Variants in LRGUK observed in about 807,000 individuals in gnomAD.
LRGUK encodes the protein leucine-rich repeat and guanylate kinase domain-containing protein.
Under a neutral mutation model 76.0 loss-of-function variants are expected in LRGUK, and 65 were observed. That is an observed-to-expected ratio of 0.85 (90% CI 0.70 to 1.05). LRGUK has a LOEUF of 1.05. Ranked by LOEUF, LRGUK falls within the 50% of genes least tolerant of loss-of-function variation. The pLI, the probability that LRGUK is intolerant of heterozygous loss-of-function variation, is 0.00. For synonymous variants in LRGUK, 268 were observed against 265.6 expected, an observed-to-expected ratio of 1.01 and a Z score of -0.09; for missense variants, 758 against 732.8, an observed-to-expected ratio of 1.03 and a Z score of -0.40.
the LRGUK span, among the ~76,000 whole-genome samples, chr7:134,275,118 T>C: frequency 3.3e-5 from 5 of 152,172 alleles, no homozygotes; most frequent in African/African-American, 1.2e-4. Flanking sequence ...TATCATGGTA[T>C]TTAATTTTTT....
At chr7:134,137,052 G>C (rs1225722427) in exon 2 of LRGUK, 3 of 1,613,510 alleles carry the variant, frequency 1.9e-6, no homozygotes, top group African/African-American at 2.7e-5. Flanking sequence ...TGAGAGAGGA[G>C]GCTGTGGCCA....
intron 16 of LRGUK, among the ~76,000 whole-genome samples, chr7:134,246,589 T>C (rs1215987866): frequency 2.6e-5 from 4 of 152,362 alleles, no homozygotes; most frequent in South Asian, 2.1e-4. Flanking sequence ...CCTTGCATGC[T>C]TGTTTGTTAT....
chr7:134,153,766 C>T (rs1798331574), intron 5 of LRGUK, among the ~76,000 whole-genome samples: 1 of 152,154 alleles, frequency 6.6e-6, no homozygotes. Context: ...GAGATTTTCT[C>T]CTATAGTGAA....
chr7:134,216,223 G>A (rs946015913), intron 15 of LRGUK, among the ~76,000 whole-genome samples: 3 of 151,982 alleles, frequency 2.0e-5, no homozygotes, highest in Non-Finnish European at 4.4e-5. Flanking sequence ...GTGTTTGTTC[G>A]TATTAACATG....
intron 7 of LRGUK, 68 bp from the exon 8 acceptor site, chr7:134,174,488 A>T: frequency 1.0e-6 from 1 of 987,456 alleles, no homozygotes; most frequent in Non-Finnish European, 1.6e-6. Flanking sequence ...ACTGGCTTCT[A>T]TTGTATTATG....
the LRGUK span, among the ~76,000 whole-genome samples, chr7:134,271,811 G>A: frequency 2.6e-5 from 4 of 151,882 alleles, no homozygotes; most frequent in Non-Finnish European, 4.4e-5. Flanking sequence ...TTTTATCTTG[G>A]TTGTTGTAAA....
At chr7:134,141,442 C>T (rs565659661) in intron 3 of LRGUK, among the ~76,000 whole-genome samples, 2 of 152,262 alleles carry the variant, frequency 1.3e-5, no homozygotes, top group East Asian at 3.9e-4. Context: ...GATGGAGACA[C>T]GAGGAGCTCC....
At chr7:134,236,342 G>C (rs1802015474) in intron 16 of LRGUK, among the ~76,000 whole-genome samples, 1 of 152,034 alleles carries the variant, frequency 6.6e-6, no homozygotes, top group Admixed American at 6.5e-5. Context: ...TTAGATTCTA[G>C]TTTAGTCTTA....
At chr7:134,221,664 C>T in intron 15 of LRGUK, 115 bp from the exon 16 acceptor site, 1 of 673,174 alleles carries the variant, frequency 1.5e-6, no homozygotes. Context: ...GAAATGCGCA[C>T]ATTTTAAGTA....
rs928702745 is a variant in LRGUK, at chr7:134,246,805, A to G, written c.1984-751A>G. ...GTAAGTCTTTTATGTAAAACAAAGA[A>G]TCACTTGTTAATTTATCTTTTCTGT... is the stretch of plus-strand genomic sequence containing the variant. On this transcript the variant is annotated intron_variant, in intron 16 of 19. Coordinates refer to the LRGUK transcript ENST00000285928. 4.4e-4 allele frequency among the ~76,000 whole-genome samples: 67 copies of G among 152,238 alleles called. 1 individual carries two copies. The highest frequency in any genetic ancestry group is 1.6e-3 in the African/African-American group (66 of 41,472).
chr7:134,132,766 A>G (rs970418459), intron 1 of LRGUK, among the ~76,000 whole-genome samples: 12 of 152,108 alleles, frequency 7.9e-5, no homozygotes, highest in Non-Finnish European at 1.3e-4. Flanking sequence ...AGGGTGTGGG[A>G]CCCTGAGTAG....
At chr7:134,260,221 A>G (rs1802687760) in intron 19 of LRGUK, among the ~76,000 whole-genome samples, 1 of 151,968 alleles carries the variant, frequency 6.6e-6, no homozygotes. Context: ...TATGCATATT[A>G]TAATATAATA....
chr7:134,235,454 G>T (rs1349684820), intron 16 of LRGUK, among the ~76,000 whole-genome samples: 2 of 152,136 alleles, frequency 1.3e-5, no homozygotes, highest in Non-Finnish European at 2.9e-5. Context: ...TATGCTGTCT[G>T]CCCTGAAACC....
At chr7:134,244,816 G>C (rs965129449) in intron 16 of LRGUK, among the ~76,000 whole-genome samples, 8 of 152,130 alleles carry the variant, frequency 5.3e-5, no homozygotes, top group African/African-American at 1.9e-4. Context: ...ATGTCCATCA[G>C]TGATAGACTG....
At chr7:134,191,893 T>A (rs909607669) in intron 12 of LRGUK, 142 bp downstream of exon 12, 26 of 557,740 alleles carry the variant, frequency 4.7e-5, no homozygotes, top group Non-Finnish European at 3.1e-6. Context: ...GGTTTTTTTT[T>A]TTTCTTAAAG....
chr7:134,181,522 TTTTGTTTG>T (rs3030441), intron 10 of LRGUK, among the ~76,000 whole-genome samples: 19 of 151,552 alleles, frequency 1.3e-4, no homozygotes, highest in African/African-American at 2.4e-4. Flanking sequence ...GCGTAGTGTT[TTTTGTTTG>T]TTTGTTTGTT....
At chr7:134,179,929 C>T (rs1179259342) in intron 10 of LRGUK, among the ~76,000 whole-genome samples, 2 of 152,174 alleles carry the variant, frequency 1.3e-5, no homozygotes, top group Non-Finnish European at 2.9e-5. Flanking sequence ...GAGAGGAACC[C>T]CAACCCTTGG....
chr7:134,133,525 C>T (rs1170928219), intron 1 of LRGUK, among the ~76,000 whole-genome samples: 3 of 152,182 alleles, frequency 2.0e-5, no homozygotes, highest in Non-Finnish European at 4.4e-5. Context: ...CTGTAAATCC[C>T]TTATGGACAG....
chr7:134,253,553 G>A (rs1435704266), intron 18 of LRGUK, among the ~76,000 whole-genome samples: 2 of 152,208 alleles, frequency 1.3e-5, no homozygotes, highest in Non-Finnish European at 2.9e-5. Flanking sequence ...CGTGGCTCAT[G>A]CCTATAATCC....
Sources: gnomAD v4.1 joint callset for allele counts (sites outside exome capture counted in the v4.1 genomes callset) on GRCh38, gnomAD v4.1.1 for gene constraint, MANE v1.5 for transcripts, NCBI Gene and HGNC (gene_info 2026-07-23, HGNC 2026-07-21) for gene names.